The following MSRB3 variants were observed in gnomAD, a reference collection of about 807,000 sequenced individuals.
MSRB3 encodes the protein methionine sulfoxide reductase B3, also known as methionine-R-sulfoxide reductase B3.
A neutral mutation model predicts 21.0 loss-of-function variants in MSRB3; 13 were observed. The observed-to-expected ratio is 0.62, with a 90% CI of 0.40 to 0.98. The LOEUF (loss-of-function observed/expected upper bound fraction) is 0.98, where lower values mean the gene tolerates loss of function less well. Ranked by LOEUF, MSRB3 falls within the 50% of genes least tolerant of loss-of-function variation. The pLI is 0.00. For synonymous variants in MSRB3, 87 were observed against 88.6 expected, an observed-to-expected ratio of 0.98 and a Z score of 0.10; for missense variants, 199 against 230.3, an observed-to-expected ratio of 0.86 and a Z score of 0.88.
Position 65,463,637 on chromosome 12 carries a change from G to A in MSRB3, c.*315G>A. Reference sequence around the variant, plus strand: ...CAGTTTTTCCCCCTTTGATTCAGAAGCAGAGGGTTCATGGTCTTCAAACAT... The same window carrying A: ...CAGTTTTTCCCCCTTTGATTCAGAAACAGAGGGTTCATGGTCTTCAAACAT... On this transcript the variant is annotated 3_prime_UTR_variant, in exon 7 of 7. Transcript: ENST00000308259. The A allele has an allele frequency of 2.8e-6, 1 of 359,434 alleles. No homozygotes were observed. The highest frequency in any genetic ancestry group is 7.2e-5 in the East Asian group (1 of 13,904). 22.3% of individuals were successfully genotyped at this position (359,434 alleles called of 1,614,324 possible).
intron 4 of MSRB3, among the ~76,000 whole-genome samples, chr12:65,350,182 CTTGT>C (rs2136492171): frequency 6.6e-6 from 1 of 151,630 alleles, no homozygotes; most frequent in African/African-American, 2.4e-5. Context: ...TTCCCCATTG[CTTGT>C]TTTTCTCAGG....
At chr12:65,435,466 C>T (rs1012178004) in intron 5 of MSRB3, among the ~76,000 whole-genome samples, 44 of 151,812 alleles carry the variant, frequency 2.9e-4, no homozygotes, top group East Asian at 1.9e-4. Flanking sequence ...AGCTTCTCCA[C>T]GTGTCTCTCT....
chr12:65,294,955 A>AAGGTT (rs1163654444), intron 1 of MSRB3, among the ~76,000 whole-genome samples: 1 of 151,998 alleles, frequency 6.6e-6, no homozygotes. Context: ...CCAAGTATTA[A>AAGGTT]ATACCTGGGA....
intron 5 of MSRB3, among the ~76,000 whole-genome samples, chr12:65,438,055 G>A (rs1882201159): frequency 6.6e-6 from 1 of 151,936 alleles, no homozygotes; most frequent in African/African-American, 2.4e-5. Context: ...CTTAAATATA[G>A]ATTCCTTGTT....
At chr12:65,363,344 G>T (rs1877819191) in intron 4 of MSRB3, among the ~76,000 whole-genome samples, 1 of 152,070 alleles carries the variant, frequency 6.6e-6, no homozygotes, top group Admixed American at 6.6e-5. Flanking sequence ...AATTTTTGTG[G>T]ACACTGGGCT....
intron 5 of MSRB3, among the ~76,000 whole-genome samples, chr12:65,393,771 CAAATATTATA>C (rs1177537160): frequency 6.6e-6 from 1 of 151,156 alleles, no homozygotes; most frequent in Non-Finnish European, 1.5e-5. Flanking sequence ...ACATATAATA[CAAATATTATA>C]AAATACAGAA....
Position 65,299,573 on chromosome 12 carries a change from T to C in MSRB3, c.-51-8956T>C, listed in dbSNP as rs114171414. 5.7e-3 allele frequency among the ~76,000 whole-genome samples: 862 copies of C among 152,342 alleles called. 5 individuals carry two copies. Among genetic ancestry groups the C allele is most frequent in the African/African-American group, 0.02 (817 of 41,580 alleles). ...TTCCATTTTCCACAACTTAGTATCA[T>C]GTTCACATCTAGCTGCAAGGGAAGG... On this transcript the variant is annotated intron_variant, in intron 1 of 6. Transcript: ENST00000308259.
intron 4 of MSRB3, among the ~76,000 whole-genome samples, chr12:65,351,967 GCCAGCATCATTCTGATA>G (rs1431369884): frequency 6.6e-6 from 1 of 152,006 alleles, no homozygotes; most frequent in Non-Finnish European, 1.5e-5. Flanking sequence ...ATTTTATGAG[GCCAGCATCATTCTGATA>G]CCAAAGCCGG....
At chr12:65,421,873 C>T (rs759372096) in intron 5 of MSRB3, among the ~76,000 whole-genome samples, 1 of 152,182 alleles carries the variant, frequency 6.6e-6, no homozygotes. Context: ...CAAATCCACA[C>T]ATGTCAACAC....
intron 2 of MSRB3, among the ~76,000 whole-genome samples, chr12:65,314,525 G>A (rs1243929655): frequency 6.6e-6 from 1 of 152,074 alleles, no homozygotes; most frequent in Non-Finnish European, 1.5e-5. Flanking sequence ...AAAAGTTGCT[G>A]TGCAGCATCT....
chr12:65,396,548 G>C (rs1335322274), intron 5 of MSRB3, among the ~76,000 whole-genome samples: 1 of 151,976 alleles, frequency 6.6e-6, no homozygotes, highest in Admixed American at 6.6e-5. Context: ...AAAATTTGCT[G>C]GGTGTGGCAG....
chr12:65,408,836 A>G lies in MSRB3; in HGVS notation c.292+39810A>G, dbSNP rs1179259658. Among the ~76,000 whole-genome samples the G allele has an allele frequency of 1.3e-5, 2 of 152,326 alleles. 1 individual carries two copies. The highest frequency in any genetic ancestry group is 6.8e-3 in the Middle Eastern group (2 of 294). On this transcript the variant is annotated intron_variant, in intron 5 of 6. Transcript: ENST00000308259. The stretch of plus-strand genomic sequence containing the variant: ...TTGATTAGGCTCTAATAAATGACAA[A>G]TTGATTAGGCTCTGGTAAAATACTT...
At chr12:65,427,724 A>T (rs901839570) in intron 5 of MSRB3, among the ~76,000 whole-genome samples, 1 of 152,224 alleles carries the variant, frequency 6.6e-6, no homozygotes, top group Admixed American at 6.5e-5. Context: ...TGTAAAGCTC[A>T]GATTCTTGTA....
At chr12:65,329,073 C>T (rs1875240958) in intron 4 of MSRB3, among the ~76,000 whole-genome samples, 1 of 152,156 alleles carries the variant, frequency 6.6e-6, no homozygotes, top group Non-Finnish European at 1.5e-5. Context: ...CATACCTTTA[C>T]ATAGGTAAGC....
intron 4 of MSRB3, chr12:65,344,143 A>G (rs1876329215): frequency 6.6e-6 from 1 of 152,118 alleles, no homozygotes; most frequent in Non-Finnish European, 1.5e-5. Context: ...TGAACAGTGT[A>G]AGGATTGGTA....
intron 5 of MSRB3, among the ~76,000 whole-genome samples, chr12:65,404,664 T>C (rs1389028665): frequency 6.6e-6 from 1 of 152,204 alleles, no homozygotes; most frequent in African/African-American, 2.4e-5. Context: ...AAATTTTTGT[T>C]CTATGTGGTG....
Position 65,463,283 on chromosome 12 carries a change from G to T in MSRB3, c.519G>T (p.Gly173=), listed in dbSNP as rs1429353957. The change falls in exon 7 of 7, where the codon GGG becomes GGT. Residue 173 remains glycine, a synonymous_variant. Transcript: ENST00000308259. The stretch of plus-strand genomic sequence containing the variant: ...GTGGCACCGCCGAGGGAGGCAGTGG[G>T]GTCGCCAGCCCGGCCCAGGCAGACA... ...DSSGTAEGGS[G]VASPAQADKA... is the part of the protein sequence containing the mutation. 1 of 1,614,186 alleles carries T rather than the reference G, an allele frequency of 6.2e-7. No homozygotes were observed. The highest frequency in any genetic ancestry group is 8.5e-7 in the Non-Finnish European group (1 of 1,180,046).
chr12:65,349,848 G>A (rs1232752098), intron 4 of MSRB3, among the ~76,000 whole-genome samples: 13,330 of 150,938 alleles, frequency 0.088, 2,052 homozygotes, highest in African/African-American at 0.31. Flanking sequence ...ATTTTCTCCC[G>A]TTTTGTAGGT....
At chr12:65,418,126 C>T (rs1023353341) in intron 5 of MSRB3, among the ~76,000 whole-genome samples, 10 of 152,076 alleles carry the variant, frequency 6.6e-5, no homozygotes, top group African/African-American at 9.7e-5. Context: ...GATCTTGGGA[C>T]GGAGTTTTGC....
Sources: allele counts gnomAD v4.1 joint callset (sites outside exome capture counted in the v4.1 genomes callset), GRCh38; gene constraint gnomAD v4.1.1; transcripts MANE v1.5; gene names NCBI Gene and HGNC (gene_info 2026-07-23, HGNC 2026-07-21).